Variants in COL26A1 observed in about 807,000 individuals in gnomAD.
COL26A1 encodes collagen type XXVI alpha 1 chain, also known as collagen alpha-1(XXVI) chain.
A neutral mutation model predicts 59.3 loss-of-function variants in COL26A1; 41 were observed. That is an observed-to-expected ratio of 0.69 (90% CI 0.54 to 0.90). The LOEUF (loss-of-function observed/expected upper bound fraction) is 0.90. COL26A1 is among the 40% of genes least tolerant of loss of function. The pLI is 0.00. For synonymous variants in COL26A1, 266 were observed against 256.0 expected (o/e 1.04, Z -0.37); for missense variants, 612 against 602.3 (o/e 1.02, Z -0.17).
chr7:101,458,501 G>A (rs906953307), intron 3 of COL26A1, among the ~76,000 whole-genome samples: 3 of 152,026 alleles, frequency 2.0e-5, no homozygotes, highest in African/African-American at 7.2e-5. Flanking sequence ...AGCCGGGCGT[G>A]GTGGTGCATG....
chr7:101,440,559 C>T (rs367897351), intron 2 of COL26A1, among the ~76,000 whole-genome samples: 21 of 152,250 alleles, frequency 1.4e-4, no homozygotes, highest in African/African-American at 5.1e-4. Context: ...GAGTCTTGGC[C>T]GGTTGGGATG....
chr7:101,374,287 G>T (rs1220989215), intron 1 of COL26A1, among the ~76,000 whole-genome samples: 1 of 152,148 alleles, frequency 6.6e-6, no homozygotes, highest in African/African-American at 2.4e-5. Context: ...GAGGAGAGCG[G>T]TGTGCGTTCT....
intron 1 of COL26A1, among the ~76,000 whole-genome samples, chr7:101,377,623 T>G (rs1160415094): frequency 6.6e-6 from 1 of 151,942 alleles, no homozygotes; most frequent in Non-Finnish European, 1.5e-5. Context: ...GACTGGGTCT[T>G]GCAACGTTGC....
At chr7:101,396,360 G>A (rs907154227) in intron 1 of COL26A1, among the ~76,000 whole-genome samples, 1 of 152,108 alleles carries the variant, frequency 6.6e-6, no homozygotes, top group Non-Finnish European at 1.5e-5. Context: ...TAAGGCCTTT[G>A]TCTCTTCCTA....
intron 3 of COL26A1, among the ~76,000 whole-genome samples, chr7:101,531,722 TC>T (rs1212879704): frequency 6.6e-6 from 1 of 151,150 alleles, no homozygotes; most frequent in African/African-American, 2.4e-5. Flanking sequence ...TCCCCCCAAC[TC>T]CCCGTGGTTT....
chr7:101,461,006 G>A (rs1793597519), intron 3 of COL26A1, among the ~76,000 whole-genome samples: 1 of 152,026 alleles, frequency 6.6e-6, no homozygotes, highest in Admixed American at 6.6e-5. Context: ...TTTTGAAACA[G>A]GGTCTTGCTC....
intron 9 of COL26A1, 140 bp from the exon 10 acceptor site, chr7:101,550,968 C>A: frequency 2.2e-6 from 2 of 928,446 alleles, no homozygotes; most frequent in Non-Finnish European, 3.4e-6. Context: ...TCTGCCCTTC[C>A]CGTGCCGGCC....
chr7:101,364,577 T>C (rs76228733), intron 1 of COL26A1, among the ~76,000 whole-genome samples: 4 of 139,458 alleles, frequency 2.9e-5, no homozygotes, highest in Admixed American at 7.0e-5. Context: ...TCTTTCTTTT[T>C]TTTTTTTTTT....
intron 1 of COL26A1, among the ~76,000 whole-genome samples, chr7:101,384,230 G>GTTTTTGTTTTT (rs768170962): frequency 1.9e-5 from 2 of 105,684 alleles, no homozygotes; most frequent in African/African-American, 7.9e-5. Flanking sequence ...GTTCAGGCTG[G>GTTTTTGTTTTT]TTTTTTTTTT....
intron 3 of COL26A1, among the ~76,000 whole-genome samples, chr7:101,475,541 C>A (rs1338443198): frequency 6.6e-6 from 1 of 151,956 alleles, no homozygotes; most frequent in East Asian, 1.9e-4. Context: ...TTTTCAGAGG[C>A]CTTATTCACA....
At chr7:101,479,780 T>C (rs558339915) in intron 3 of COL26A1, among the ~76,000 whole-genome samples, 2 of 152,270 alleles carry the variant, frequency 1.3e-5, no homozygotes, top group Admixed American at 6.5e-5. Flanking sequence ...TTTGTTTGCA[T>C]TTTTATTGGC....
At chr7:101,427,945 G>A (rs1792686514) in intron 2 of COL26A1, among the ~76,000 whole-genome samples, 2 of 152,286 alleles carry the variant, frequency 1.3e-5, no homozygotes, top group African/African-American at 2.4e-5. Context: ...TGTGACTAAT[G>A]TAAACAGCCT....
At chr7:101,557,166 C>T (rs1453319103) in intron 12 of COL26A1, among the ~76,000 whole-genome samples, 5 of 151,898 alleles carry the variant, frequency 3.3e-5, no homozygotes, top group Non-Finnish European at 5.9e-5. Context: ...GGTCAATGGA[C>T]AGGTGGATGG....
intron 3 of COL26A1, among the ~76,000 whole-genome samples, chr7:101,503,536 C>A (rs1299421041): frequency 6.6e-6 from 1 of 152,154 alleles, no homozygotes; most frequent in Non-Finnish European, 1.5e-5. Context: ...GTGTACATCA[C>A]CACACCTGGC....
intron 3 of COL26A1, among the ~76,000 whole-genome samples, chr7:101,497,834 A>T (rs1273527560): frequency 2.0e-5 from 3 of 152,032 alleles, no homozygotes; most frequent in Non-Finnish European, 4.4e-5. Context: ...TTTTTTAAAA[A>T]TTTGCTAGGT....
In COL26A1 at chr7:101,419,426, T is replaced by C. The variant is rs569529253; in HGVS notation, c.159-551T>C. Among the ~76,000 whole-genome samples the C allele has an allele frequency of 6.7e-4, 102 of 152,138 alleles. 1 individual carries two copies. Among genetic ancestry groups the C allele is most frequent in the African/African-American group, 2.4e-3 (98 of 41,540 alleles). On this transcript the variant is annotated intron_variant, in intron 1 of 12. Coordinates refer to ENST00000313669, the MANE Select transcript of COL26A1 (RefSeq NM_001278563.3). ...TGTGCCTGGCCTGGCCACTTCCCAT[T>C]GCAGGCAAGTCTCTAGACTTGCCGT...
intron 3 of COL26A1, among the ~76,000 whole-genome samples, chr7:101,473,236 C>T (rs1196629726): frequency 2.0e-5 from 3 of 152,050 alleles, no homozygotes; most frequent in East Asian, 1.9e-4. Flanking sequence ...CCCGCCACCA[C>T]GCCTGGCTAA....
intron 7 of COL26A1, 122 bp downstream of exon 7, chr7:101,545,612 A>C: frequency 9.6e-7 from 1 of 1,043,160 alleles, no homozygotes; most frequent in Non-Finnish European, 1.3e-6. Flanking sequence ...GCTGCACCCA[A>C]CTGGCTCACT....
intron 2 of COL26A1, among the ~76,000 whole-genome samples, chr7:101,424,004 G>A (rs978107268): frequency 6.6e-6 from 1 of 151,858 alleles, no homozygotes; most frequent in African/African-American, 2.4e-5. Context: ...AGGAGCTCGA[G>A]ACCAGCCTGG....
Sources: allele counts gnomAD v4.1 joint callset (sites outside exome capture counted in the v4.1 genomes callset), GRCh38; gene constraint gnomAD v4.1.1; transcripts MANE v1.5; gene names NCBI Gene and HGNC (gene_info 2026-07-23, HGNC 2026-07-21).